CFH: variants seen among roughly 807,000 people sequenced by gnomAD.
The protein encoded by CFH is complement factor H, also known as H factor 1 (complement).
A neutral mutation model predicts 147.3 loss-of-function variants in CFH; 53 were observed. That is an observed-to-expected ratio of 0.36 (90% CI 0.29 to 0.45). CFH has a LOEUF of 0.45. Among genes scored for constraint, CFH ranks in the 20% least tolerant of loss-of-function variants. The pLI, the probability that CFH is intolerant of heterozygous loss-of-function variation, is 1.00. For synonymous variants in CFH, 536 were observed against 489.4 expected, an observed-to-expected ratio of 1.10 and a Z score of -1.26; for missense variants, 1,380 against 1,498.0, an observed-to-expected ratio of 0.92 and a Z score of 1.30.
At position 196,680,881 on chromosome 1, in the gene CFH, A is replaced by AT. The variant is rs528858860; in HGVS notation, c.790+1093dup. The stretch of plus-strand genomic sequence containing the variant: ...CCACAAGTGTCTCCTTGGAAAACAT[A>AT]TTTTTCTTCACAATTGCGTGATCTC... On this transcript the variant is annotated intron_variant, in intron 6 of 21. Transcript: ENST00000367429. Among the ~76,000 whole-genome samples, 72 of 151,952 alleles carry AT rather than the reference A, an allele frequency of 4.7e-4. No homozygotes were observed. The East Asian group carries it at 0.014, about 29-fold the overall frequency.
intron 9 of CFH, among the ~76,000 whole-genome samples, chr1:196,694,135 CCTGATG>C (rs1668165606): frequency 2.0e-5 from 3 of 152,052 alleles, no homozygotes; most frequent in Admixed American, 2.0e-4. Context: ...AGCTCTTTGT[CCTGATG>C]CTCTCTCTCC....
At chr1:196,660,986 A>G (rs1572997113) in intron 1 of CFH, among the ~76,000 whole-genome samples, 1 of 152,208 alleles carries the variant, frequency 6.6e-6, no homozygotes, top group African/African-American at 2.4e-5. Context: ...ATTTTTTCCA[A>G]TAACCTGAAC....
At position 196,675,926 on chromosome 1, in the gene CFH, T is replaced by A. The variant is rs1285527849; in HGVS notation, c.351-63T>A. 9 of 1,013,690 alleles carry A rather than the reference T, an allele frequency of 8.9e-6. No individual in the cohort carries two copies. In the East Asian group the frequency reaches 2.2e-4, roughly 24 times the overall value. The allele number at this position is 1,013,690 out of a possible 1,614,324, so 62.8% of individuals were successfully genotyped here. ...GAGTTTCTGGACACTCAGAATGGCA[T>A]CGAGTTTAAAACTGCATGTAAACAC... On this transcript the variant is annotated intron_variant, in intron 3 of 21. Coordinates refer to ENST00000367429, the MANE Select transcript of CFH (RefSeq NM_000186.4).
intron 12 of CFH, 113 bp from the exon 13 acceptor site, chr1:196,726,355 TAA>T (rs1669136703): frequency 1.3e-6 from 1 of 791,756 alleles, no homozygotes; most frequent in Non-Finnish European, 2.1e-6. Context: ...GATGCTATAA[TAA>T]GTTACATAAT....
intron 10 of CFH, among the ~76,000 whole-genome samples, chr1:196,714,375 T>C (rs1008964361): frequency 6.6e-5 from 10 of 151,708 alleles, no homozygotes; most frequent in Admixed American, 6.6e-5. Flanking sequence ...ATATGTCTAA[T>C]ACTGAATATC....
At chr1:196,724,667 T>G (rs1201978152) in intron 11 of CFH, among the ~76,000 whole-genome samples, 1 of 144,004 alleles carries the variant, frequency 6.9e-6, no homozygotes, top group African/African-American at 3.0e-5. Context: ...TTTCAAGTTA[T>G]GATCATTTAC....
At chr1:196,672,887 G>T (rs1048202103) in intron 1 of CFH, 91 bp from the exon 2 acceptor site, 2 of 1,021,148 alleles carry the variant, frequency 2.0e-6, no homozygotes, top group African/African-American at 1.6e-5. Context: ...ACCTGTGACT[G>T]TCTAGGCATT....
In CFH at chr1:196,682,777, G is replaced by A. The variant is rs34727645; in HGVS notation, c.791-2287G>A. On this transcript the variant is annotated intron_variant, in intron 6 of 21. Coordinates refer to ENST00000367429, the MANE Select transcript of CFH (RefSeq NM_000186.4). The stretch of plus-strand genomic sequence containing the variant: ...AATAGTAAAATTTTAAAATAGTAAA[G>A]CTTTAAAACTTGTATATTAAGTCAC... Among the ~76,000 whole-genome samples the A allele has an allele frequency of 6.9e-3, 1,050 of 151,498 alleles. 10 individuals are homozygous for A. The highest frequency in any genetic ancestry group is 0.024 in the African/African-American group (977 of 41,436).
rs866918624 is a variant in CFH, at chr1:196,715,498, C to A, written c.1520-95C>A. On this transcript the variant is annotated intron_variant, in intron 10 of 21. Transcript: ENST00000367429. ...GTACGGTACCTATTTATTAGTAGATCTAATCAATAAAGCTTTTTCTTCTTA... is the reference window on the plus strand; with the variant it reads ...GTACGGTACCTATTTATTAGTAGATATAATCAATAAAGCTTTTTCTTCTTA... 22 of 984,898 alleles carry A rather than the reference C, an allele frequency of 2.2e-5. 1 individual carries two copies. In the Middle Eastern group the frequency reaches 1.5e-3, roughly 69 times the overall value. The allele number at this position is 984,898 out of a possible 1,614,324, so 61.0% of individuals were successfully genotyped here. A position where few individuals can be genotyped will look rare whatever the true frequency, so the allele number is the denominator to read the frequency against.
chr1:196,736,525 A>T (rs534328015), intron 15 of CFH, among the ~76,000 whole-genome samples: 2 of 152,000 alleles, frequency 1.3e-5, no homozygotes, highest in Non-Finnish European at 2.9e-5. Context: ...ATTAAAATCA[A>T]TATTACATAA....
intron 9 of CFH, among the ~76,000 whole-genome samples, chr1:196,692,779 T>C (rs930218875): frequency 1.9e-5 from 2 of 105,318 alleles, no homozygotes; most frequent in Admixed American, 1.1e-4. Flanking sequence ...TCTTTCTTTC[T>C]TTCTTTCTTT....
In CFH at chr1:196,662,096, G is replaced by T. The variant is rs568945064; in HGVS notation, c.58+9921G>T. ...ATGTTTCAGACCTTTCAAATGATTTGATCTGGCCTATCTAGATTACCTAGA... is the reference window on the plus strand; with the variant it reads ...ATGTTTCAGACCTTTCAAATGATTTTATCTGGCCTATCTAGATTACCTAGA... On this transcript the variant is annotated intron_variant, in intron 1 of 21. Coordinates refer to ENST00000367429, the MANE Select transcript of CFH (RefSeq NM_000186.4). Among the ~76,000 whole-genome samples the T allele has an allele frequency of 2.0e-5, 3 of 152,262 alleles. No homozygotes were observed. The South Asian group carries it at 6.2e-4, about 32-fold the overall frequency.
intron 19 of CFH, among the ~76,000 whole-genome samples, chr1:196,742,507 C>T (rs1652843906): frequency 6.6e-6 from 1 of 152,034 alleles, no homozygotes; most frequent in African/African-American, 2.4e-5. Context: ...TACGGCAGGA[C>T]AAAGTAGTCG....
At chr1:196,739,989 G>T (rs1473193437) in intron 17 of CFH, among the ~76,000 whole-genome samples, 1 of 152,182 alleles carries the variant, frequency 6.6e-6, no homozygotes, top group Non-Finnish European at 1.5e-5. Context: ...TTCTTCACAT[G>T]ATGACAGGAA....
intron 9 of CFH, 159 bp downstream of exon 9, chr1:196,690,398 G>A (rs1355583139): frequency 7.3e-6 from 7 of 957,198 alleles, no homozygotes; most frequent in Non-Finnish European, 1.2e-5. Context: ...GTGTATAAAT[G>A]AATATACAAA....
intron 1 of CFH, among the ~76,000 whole-genome samples, chr1:196,662,305 G>A (rs957874909): frequency 6.6e-6 from 1 of 152,090 alleles, no homozygotes; most frequent in Non-Finnish European, 1.5e-5. Flanking sequence ...GAACTTAAAA[G>A]ACATTAATTT....
chr1:196,722,121 G>A (rs529018341), intron 11 of CFH, among the ~76,000 whole-genome samples: 1 of 152,048 alleles, frequency 6.6e-6, no homozygotes, highest in African/African-American at 2.4e-5. Context: ...AGTCCCAACT[G>A]TGTAATTTTT....
intron 9 of CFH, among the ~76,000 whole-genome samples, chr1:196,696,018 G>A (rs908859060): frequency 1.3e-5 from 2 of 151,836 alleles, no homozygotes; most frequent in Non-Finnish European, 2.9e-5. Flanking sequence ...TGATTGTCTG[G>A]TCCAAAACTC....
intron 9 of CFH, among the ~76,000 whole-genome samples, chr1:196,691,458 A>T (rs1215106566): frequency 6.6e-6 from 1 of 151,996 alleles, no homozygotes; most frequent in Non-Finnish European, 1.5e-5. Context: ...AATATTTACA[A>T]ATTGAATGGC....
Sources: gnomAD v4.1 joint callset for allele counts (sites outside exome capture counted in the v4.1 genomes callset) on GRCh38, gnomAD v4.1.1 for gene constraint, MANE v1.5 for transcripts, NCBI Gene and HGNC (gene_info 2026-07-23, HGNC 2026-07-21) for gene names.